TTC13: variants seen among roughly 807,000 people sequenced by gnomAD.
TTC13 encodes tetratricopeptide repeat domain 13.
In TTC13, 62 loss-of-function variants were observed where a neutral mutation model predicts 120.0. That is an observed-to-expected ratio of 0.52 (90% CI 0.42 to 0.64). The LOEUF (loss-of-function observed/expected upper bound fraction) is 0.64, where lower values mean the gene tolerates loss of function less well. Ranked by LOEUF, TTC13 falls within the 30% of genes least tolerant of loss-of-function variation. TTC13 has a pLI of 0.00. For missense variants in TTC13, 824 were observed against 1,050.2 expected (o/e 0.78, Z 2.98); for synonymous variants, 384 against 393.5 (o/e 0.98, Z 0.28).
intron 9 of TTC13, among the ~76,000 whole-genome samples, chr1:230,932,833 A>G (rs1347247367): frequency 6.6e-6 from 1 of 152,170 alleles, no homozygotes; most frequent in Non-Finnish European, 1.5e-5. Flanking sequence ...TTTCTTTTCT[A>G]GCTTTTGTAG....
chr1:230,935,079 C>T (rs775442278), intron 8 of TTC13, among the ~76,000 whole-genome samples: 6 of 152,166 alleles, frequency 3.9e-5, no homozygotes, highest in Non-Finnish European at 7.3e-5. Flanking sequence ...TGAATATCTA[C>T]GGTTGGGTAG....
intron 1 of TTC13, among the ~76,000 whole-genome samples, chr1:230,974,334 T>C (rs1002477872): frequency 5.9e-5 from 9 of 152,218 alleles, no homozygotes; most frequent in African/African-American, 2.2e-4. Context: ...CATGTATTAC[T>C]GGGCCCTACT....
rs774571259 is a variant in TTC13 at position 230,920,492 on chromosome 1, T to A, written c.1983+18A>T. On this transcript the variant is annotated intron_variant, in intron 17 of 22. Coordinates refer to ENST00000366661, the MANE Select transcript of TTC13 (RefSeq NM_024525.5). Reference sequence around the variant, plus strand: ...TTTCCTCTAAAAACATGGACTGCCATTCTGATGCTAAAGTTACCTTCATAA... The same window carrying A: ...TTTCCTCTAAAAACATGGACTGCCAATCTGATGCTAAAGTTACCTTCATAA... 6.3e-7 allele frequency: 1 copy of A among 1,590,284 alleles called. No homozygotes were observed. Among genetic ancestry groups the A allele is most frequent in the Non-Finnish European group, 8.6e-7 (1 of 1,159,588 alleles).
chr1:230,958,039 CT>C (rs59207624), intron 3 of TTC13, among the ~76,000 whole-genome samples, 184 bp downstream of exon 3: 106,212 of 150,756 alleles, frequency 0.7, 37,937 homozygotes, highest in African/African-American at 0.84. Flanking sequence ...CCATCCAAAC[CT>C]TTTTTTTTTC....
At chr1:230,915,356 A>ATG (rs5781607) in intron 18 of TTC13, among the ~76,000 whole-genome samples, 95,951 of 150,464 alleles carry the variant, frequency 0.64, 31,454 homozygotes, top group East Asian at 0.94. Context: ...GTGTGTGTGT[A>ATG]TGTGTGTGTG....
chr1:230,925,611 A>G lies in TTC13; in HGVS notation c.1494T>C (p.Pro498=). The change falls in exon 13 of 23, where the codon CCT becomes CCC. Residue 498 remains proline (P), a synonymous_variant. Transcript: ENST00000366661. ...CCACACAAATCAGCTCCTGTACTTCAGGCTTATAACTCTCAAAATTCTGAT... is the reference window on the plus strand; with the variant it reads ...CCACACAAATCAGCTCCTGTACTTCGGGCTTATAACTCTCAAAATTCTGAT... ...VLHQNFESYK[P]EVQELICVAD... 8 of 1,614,122 alleles carry G rather than the reference A, an allele frequency of 5.0e-6. No individual in the cohort carries two copies. Among genetic ancestry groups the G allele is most frequent in the Non-Finnish European group, 6.8e-6 (8 of 1,179,958 alleles).
intron 9 of TTC13, among the ~76,000 whole-genome samples, chr1:230,933,024 G>C (rs1235309259): frequency 6.6e-6 from 1 of 152,028 alleles, no homozygotes; most frequent in African/African-American, 2.4e-5. Flanking sequence ...CCAAGCTGGA[G>C]TGCAGTGGTG....
intron 11 of TTC13, among the ~76,000 whole-genome samples, chr1:230,929,409 G>A (rs1673340586): frequency 6.6e-6 from 1 of 150,722 alleles, no homozygotes; most frequent in Non-Finnish European, 1.5e-5. Context: ...CTGCCTCCTG[G>A]GTTCAAGCCA....
intron 12 of TTC13, among the ~76,000 whole-genome samples, chr1:230,926,745 C>A (rs1673088492): frequency 6.6e-6 from 1 of 152,180 alleles, no homozygotes; most frequent in Non-Finnish European, 1.5e-5. Flanking sequence ...AATCAATTTT[C>A]TTTTTATTAT....
intron 3 of TTC13, among the ~76,000 whole-genome samples, chr1:230,954,830 T>G (rs1436476920): frequency 6.6e-6 from 1 of 152,214 alleles, no homozygotes; most frequent in African/African-American, 2.4e-5. Flanking sequence ...TCTCAATTCC[T>G]GGGAGTGCTG....
chr1:230,952,900 G>A (rs1355585614), intron 4 of TTC13, among the ~76,000 whole-genome samples: 2 of 152,096 alleles, frequency 1.3e-5, no homozygotes, highest in African/African-American at 4.8e-5. Context: ...TTCTTTAAGA[G>A]TATTATATTG....
intron 2 of TTC13, among the ~76,000 whole-genome samples, chr1:230,959,242 C>T (rs1346843212): frequency 3.9e-5 from 6 of 152,002 alleles, no homozygotes; most frequent in Non-Finnish European, 8.8e-5. Context: ...GATATAGGGA[C>T]GAGGACAGAA....
intron 3 of TTC13, among the ~76,000 whole-genome samples, chr1:230,956,984 C>T (rs975785656): frequency 6.6e-6 from 1 of 152,160 alleles, no homozygotes; most frequent in African/African-American, 2.4e-5. Flanking sequence ...TCAGGGCCTA[C>T]ACTACCCCAG....
chr1:230,960,116 T>C (rs1484316180), intron 2 of TTC13, among the ~76,000 whole-genome samples: 2 of 152,212 alleles, frequency 1.3e-5, no homozygotes, highest in Non-Finnish European at 1.5e-5. Flanking sequence ...AATAATCACC[T>C]AGTGCAATGC....
At chr1:230,943,339 CCAA>C (rs773567629) in intron 6 of TTC13, among the ~76,000 whole-genome samples, 3 of 151,604 alleles carry the variant, frequency 2.0e-5, no homozygotes, top group Non-Finnish European at 2.9e-5. Context: ...ACCCAAATGT[CCAA>C]CAACAATAGA....
intron 12 of TTC13, among the ~76,000 whole-genome samples, chr1:230,928,262 T>C (rs779560967): frequency 6.6e-6 from 1 of 152,226 alleles, no homozygotes; most frequent in Non-Finnish European, 1.5e-5. Flanking sequence ...TCCATGAACA[T>C]AGTATTTCTC....
chr1:230,940,455 C>G lies in TTC13; in HGVS notation c.774G>C (p.Leu258=). The change falls in exon 7 of 23, where the codon CTG becomes CTC. Residue 258 remains leucine (L), a synonymous_variant. Coordinates refer to ENST00000366661, the MANE Select transcript of TTC13 (RefSeq NM_024525.5). This position sits in a 1 kb window ranked among gnomAD's most constrained non-coding sequence, Gnocchi z 4.1. ...SARLYRHRGT[L]YFISEDYATA... ...AACCAGTCACCTCTGATATGAAGTA[C>G]AGGGTTCCCCGATGTCTGTACAGCC... is the stretch of plus-strand genomic sequence containing the variant. 1 of 1,611,228 alleles carries G rather than the reference C, an allele frequency of 6.2e-7. No homozygotes were observed. Among genetic ancestry groups the G allele is most frequent in the Admixed American group, 1.7e-5 (1 of 59,960 alleles).
At chr1:230,977,912 G>A (rs1315018953) in intron 1 of TTC13, among the ~76,000 whole-genome samples, 1 of 152,232 alleles carries the variant, frequency 6.6e-6, no homozygotes, top group Admixed American at 6.5e-5. Flanking sequence ...CTGACACACA[G>A]GCTCAAGGCC....
chr1:230,955,524 A>T (rs1340652700), intron 3 of TTC13, among the ~76,000 whole-genome samples: 1 of 143,904 alleles, frequency 6.9e-6, no homozygotes, highest in Non-Finnish European at 1.5e-5. Context: ...AAAAAAAATT[A>T]GCTGGGCGTG....
Sources: gnomAD v4.1 joint callset for allele counts (sites outside exome capture counted in the v4.1 genomes callset) on GRCh38, gnomAD v4.1.1 for gene constraint, Gnocchi (gnomAD v3.1) non-coding constraint, MANE v1.5 for transcripts, NCBI Gene and HGNC (gene_info 2026-07-23, HGNC 2026-07-21) for gene names.